The following FAM221B variants were observed in gnomAD, a reference collection of about 807,000 sequenced individuals.
FAM221B encodes family with sequence similarity 221 member B.
Under a neutral mutation model 39.8 loss-of-function variants are expected in FAM221B, and 35 were observed. The ratio of observed to expected loss-of-function variants is 0.88; its 90% CI spans 0.67 to 1.17. The LOEUF is 1.17. Among genes scored for constraint, FAM221B ranks in the 50% most tolerant of loss-of-function variants. The pLI is 0.00. For synonymous variants in FAM221B, 158 were observed against 178.1 expected (o/e 0.89, Z 0.90); for missense variants, 479 against 503.1 (o/e 0.95, Z 0.46).
intron 3 of FAM221B, chr9:35,821,447 G>T (rs201786886): frequency 3.1e-4 from 418 of 1,367,866 alleles, no homozygotes; most frequent in Middle Eastern, 1.3e-3. Context: ...CCCATAGTCT[G>T]TCAGGATCTA....
chr9:35,817,185 C>A lies in FAM221B; in HGVS notation c.*1284G>T, dbSNP rs144206363. 6.6e-6 allele frequency: 1 copy of A among 152,334 alleles called. No individual in the cohort carries two copies. Among genetic ancestry groups the A allele is most frequent in the South Asian group, 2.1e-4 (1 of 4,828 alleles). 9.4% of individuals were successfully genotyped at this position (152,334 alleles called of 1,614,324 possible). A position where few individuals can be genotyped will look rare whatever the true frequency, so the allele number is the denominator to read the frequency against. ...CTGGAATCTCCTACTCCCATAAGAA[C>A]CTATGGACTCCCTTGTGACTTCCCA... On this transcript the variant is annotated 3_prime_UTR_variant, in exon 7 of 7. Transcript: ENST00000423537.
rs1407342477 is a variant in FAM221B at position 35,817,754 on chromosome 9, G to A, written c.*715C>T. 6.6e-6 allele frequency: 1 copy of A among 152,340 alleles called. No homozygotes were observed. The highest frequency in any genetic ancestry group is 1.5e-5 in the Non-Finnish European group (1 of 68,178). 9.4% of individuals were successfully genotyped at this position (152,340 alleles called of 1,614,324 possible). A position where few individuals can be genotyped will look rare whatever the true frequency, so the allele number is the denominator to read the frequency against. The stretch of plus-strand genomic sequence containing the variant: ...CACAGGGCATATAGAAGCCATCAGA[G>A]GGGAACTTCCACAGGTTCTTGTTCC... On this transcript the variant is annotated 3_prime_UTR_variant, in exon 7 of 7. Coordinates refer to ENST00000423537, the MANE Select transcript of FAM221B (RefSeq NM_001012446.4).
chr9:35,822,895 T>C (rs1829181830), intron 3 of FAM221B, among the ~76,000 whole-genome samples: 1 of 152,212 alleles, frequency 6.6e-6, no homozygotes, highest in Non-Finnish European at 1.5e-5. Flanking sequence ...CAGAAATTCG[T>C]TCATGTTATT....
At chr9:35,826,299 C>T (rs1829357313) in intron 1 of FAM221B, 138 bp from the exon 2 acceptor site, 6 of 690,176 alleles carry the variant, frequency 8.7e-6, no homozygotes, top group Non-Finnish European at 1.5e-5. Context: ...AGGGAAACAA[C>T]ATGAACTCTG....
Position 35,828,332 on chromosome 9 carries a change from AACTACTACTACTACTACTACT to A in FAM221B, c.-1+110_-1+130del, listed in dbSNP as rs1207019030. The A allele has an allele frequency of 2.3e-4, 25 of 108,996 alleles. No individual in the cohort carries two copies. Among genetic ancestry groups the A allele is most frequent in the African/African-American group, 6.9e-4 (20 of 28,970 alleles). 6.8% of individuals were successfully genotyped at this position (108,996 alleles called of 1,614,324 possible). On this transcript the variant is annotated intron_variant, in intron 1 of 6. Transcript: ENST00000423537. The surrounding 1 kb of genome is among the most constrained non-coding windows in gnomAD (Gnocchi z 4.5). ...CAACAACAACAACAACAACAACAAC[AACTACTACTACTACTACTACT>A]ACTACTACTACTACTACTACTACTA...
intron 3 of FAM221B, among the ~76,000 whole-genome samples, chr9:35,822,185 C>G (rs1211140922): frequency 6.6e-6 from 1 of 152,174 alleles, no homozygotes; most frequent in Admixed American, 6.5e-5. Context: ...ATTATTCCCT[C>G]CAAACCTGGC....
chr9:35,819,902 G>C lies in FAM221B; in HGVS notation c.841C>G (p.Arg281Gly). Residue 281 changes from arginine to glycine, a missense_variant, in exon 4 of 7, where the codon CGG becomes GGG. Physicochemically the swap from Arg to Gly is moderately radical, Grantham distance 125 (BLOSUM62 -2). Transcript: ENST00000423537. ...CFCGHLLREH[R>G]IISDISVPCK... ...AGTTCTCCCCTACCTGAGATGATCCGGTGCTCTCTCAACAAGTGTCCACAA... is the reference window on the plus strand; with the variant it reads ...AGTTCTCCCCTACCTGAGATGATCCCGTGCTCTCTCAACAAGTGTCCACAA... 1 of 1,612,118 alleles carries C rather than the reference G, an allele frequency of 6.2e-7. No individual in the cohort carries two copies. Among genetic ancestry groups the C allele is most frequent in the Non-Finnish European group, 8.5e-7 (1 of 1,178,314 alleles).
intron 4 of FAM221B, 76 bp downstream of exon 4, chr9:35,819,814 C>G (rs1829106543): frequency 8.0e-7 from 1 of 1,245,866 alleles, no homozygotes; most frequent in African/African-American, 1.5e-5. Flanking sequence ...CACATGCTCT[C>G]TCTCATACTT....
At chr9:35,818,616 G>A (rs1249941523) in intron 6 of FAM221B, 110 bp from the exon 7 acceptor site, 8 of 1,197,538 alleles carry the variant, frequency 6.7e-6, no homozygotes, top group Non-Finnish European at 9.7e-6. Flanking sequence ...GTGGGAGCTG[G>A]GAAGGCCAGA....
chr9:35,817,544 T>C lies in FAM221B; in HGVS notation c.*925A>G, dbSNP rs900013084. 2.0e-5 allele frequency: 3 copies of C among 152,268 alleles called. No individual in the cohort carries two copies. Among genetic ancestry groups the C allele is most frequent in the African/African-American group, 7.2e-5 (3 of 41,456 alleles). The allele number at this position is 152,268 out of a possible 1,614,324, so 9.4% of individuals were successfully genotyped here. ...TCATCAACCCATTAAATATTTGGAT[T>C]CTCTGCTTCTCTAACTAGGTTCTCA... On this transcript the variant is annotated 3_prime_UTR_variant, in exon 7 of 7. Transcript: ENST00000423537.
At chr9:35,822,867 A>G (rs1201473356) in intron 3 of FAM221B, among the ~76,000 whole-genome samples, 2 of 152,202 alleles carry the variant, frequency 1.3e-5, no homozygotes, top group Non-Finnish European at 2.9e-5. Flanking sequence ...CCCTATTGCC[A>G]GAGTGATCTT....
intron 3 of FAM221B, among the ~76,000 whole-genome samples, chr9:35,822,483 C>T (rs1829172928): frequency 6.6e-6 from 1 of 152,174 alleles, no homozygotes; most frequent in Non-Finnish European, 1.5e-5. Context: ...CCTCGGCTCA[C>T]TGCAACCTCC....
rs1347762953 is a variant in FAM221B, at chr9:35,819,011, T to G, written c.1052-2A>C. The G allele has an allele frequency of 6.4e-7, 1 of 1,551,534 alleles. No homozygotes were observed. The highest frequency in any genetic ancestry group is 8.7e-7 in the Non-Finnish European group (1 of 1,147,000). The stretch of plus-strand genomic sequence containing the variant: ...ACTCAAAACAGCCGCAGCAACAGCC[T>G]GGGGCAAAAGTGCAGCCAAGAAGAG... On this transcript the variant is annotated splice_acceptor_variant, in intron 5 of 6. Transcript: ENST00000423537. LOFTEE classifies it high-confidence loss of function.
Position 35,818,261 on chromosome 9 carries a change from T to G in FAM221B, c.*208A>C. 2 of 586,604 alleles carry G rather than the reference T, an allele frequency of 3.4e-6. No homozygotes were observed. Among genetic ancestry groups the G allele is most frequent in the South Asian group, 4.1e-5 (2 of 48,546 alleles). 36.3% of individuals were successfully genotyped at this position (586,604 alleles called of 1,614,324 possible). A position where few individuals can be genotyped will look rare whatever the true frequency, so the allele number is the denominator to read the frequency against. On this transcript the variant is annotated 3_prime_UTR_variant, in exon 7 of 7. Coordinates refer to ENST00000423537, the MANE Select transcript of FAM221B (RefSeq NM_001012446.4). Reference sequence around the variant, plus strand: ...TCCTTCTTGAAACTTCCTCCCTTCTTGACTTCCTTGAAGCCACTTTCCTTC... The same window carrying G: ...TCCTTCTTGAAACTTCCTCCCTTCTGGACTTCCTTGAAGCCACTTTCCTTC...
Position 35,825,237 on chromosome 9 carries a change from G to T in FAM221B, c.735C>A (p.Ile245=). The T allele has an allele frequency of 6.2e-7, 1 of 1,614,224 alleles. No individual in the cohort carries two copies. Among genetic ancestry groups the T allele is most frequent in the Non-Finnish European group, 8.5e-7 (1 of 1,180,044 alleles). ...QWEKDAALNA[I]QTGLYIGWRC... ...AAGGCCACATGGGCTCACCTGTCTG[G>T]ATGGCATTCAGGGCTGCATCCTTCT... Residue 245 remains isoleucine (I), a synonymous_variant, in exon 3 of 7, where the codon ATC becomes ATA. Transcript: ENST00000423537. The surrounding 1 kb of genome is among the most constrained non-coding windows in gnomAD (Gnocchi z 4.2).
rs550311048 is a variant in FAM221B at position 35,825,315 on chromosome 9, C to A, written c.657G>T (p.Lys219Asn). The A allele has an allele frequency of 1.7e-4, 282 of 1,614,238 alleles. 4 individuals are homozygous for A. The South Asian group carries it at 3.0e-3, about 17-fold the overall frequency. Reference protein sequence around the residue: ...ARQTELVEVAKAMHREEFGAQ... With the variant: ...ARQTELVEVANAMHREEFGAQ... ...CACCAAACTCCTCTCTATGCATTGC[C>A]TTAGCCACTTCCACCAGCTCTGTCT... The change falls in exon 3 of 7, where the codon AAG (lysine) becomes AAT (asparagine). Residue 219 changes from lysine to asparagine, a missense_variant. Lys to Asn is a moderately conservative substitution (Grantham distance 94). Coordinates refer to ENST00000423537, the MANE Select transcript of FAM221B (RefSeq NM_001012446.4). The surrounding 1 kb of genome is among the most constrained non-coding windows in gnomAD (Gnocchi z 4.2).
chr9:35,822,589 A>G (rs999473702), intron 3 of FAM221B, among the ~76,000 whole-genome samples: 1 of 152,012 alleles, frequency 6.6e-6, no homozygotes, highest in Non-Finnish European at 1.5e-5. Flanking sequence ...TTGTATTTTT[A>G]ATAGAGACGG....
Position 35,819,889 on chromosome 9 carries a change from C to A in FAM221B, c.853+1G>T, listed in dbSNP as rs1338064397. The A allele has an allele frequency of 1.9e-6, 3 of 1,607,756 alleles. No homozygotes were observed. The highest frequency in any genetic ancestry group is 4.5e-5 in the East Asian group (2 of 44,852). On this transcript the variant is annotated splice_donor_variant, in intron 4 of 6. Transcript: ENST00000423537. LOFTEE classifies it high-confidence loss of function. ...AGAGGGGCTGGTCAGTTCTCCCCTA[C>A]CTGAGATGATCCGGTGCTCTCTCAA...
intron 3 of FAM221B, chr9:35,821,326 TA>T: frequency 2.7e-6 from 2 of 727,910 alleles, no homozygotes. Context: ...TATTCAGGCA[TA>T]ACCCTGAGGT....
Sources: gnomAD v4.1 joint callset for allele counts (sites outside exome capture counted in the v4.1 genomes callset) on GRCh38, gnomAD v4.1.1 for gene constraint, Gnocchi (gnomAD v3.1) non-coding constraint, MANE v1.5 for transcripts, NCBI Gene and HGNC (gene_info 2026-07-23, HGNC 2026-07-21) for gene names.